The following CHM variants were observed in gnomAD, a reference collection of about 807,000 sequenced individuals.
CHM encodes the protein rab proteins geranylgeranyltransferase component A 1.
In CHM, 10 loss-of-function variants were observed where a neutral mutation model predicts 49.0. The ratio of observed to expected loss-of-function variants is 0.20; its 90% CI spans 0.13 to 0.35. The LOEUF is 0.35. Ranked by LOEUF, CHM falls within the 10% of genes least tolerant of loss-of-function variation. CHM has a pLI of 1.00. For missense variants in CHM, 455 were observed against 478.4 expected (o/e 0.95, Z 0.46); for synonymous variants, 184 against 167.5 (o/e 1.10, Z -0.76).
Position 85,942,232 on chromosome X carries a change from G to A in CHM, c.1166+13921C>T, listed in dbSNP as rs751896616. 1.4e-4 allele frequency among the ~76,000 whole-genome samples: 15 copies of A among 108,603 alleles called. No individual in the cohort carries two copies. In the South Asian group the frequency reaches 4.5e-3, roughly 32 times the overall value. The allele number at this position is 108,603 out of a possible 115,157, so 94.3% of individuals were successfully genotyped here. A position where few individuals can be genotyped will look rare whatever the true frequency, so the allele number is the denominator to read the frequency against. The stretch of plus-strand genomic sequence containing the variant: ...GGTGCCTATATATCATAGTACTAAC[G>A]GCAACATTTTCCAACTTTTCCCCTT... On this transcript the variant is annotated intron_variant, in intron 8 of 14. Coordinates refer to ENST00000357749, the MANE Select transcript of CHM (RefSeq NM_000390.4).
At chrX:85,915,886 G>A (rs1927423878) in intron 8 of CHM, among the ~76,000 whole-genome samples, 1 of 112,319 alleles carries the variant, frequency 8.9e-6, no homozygotes, top group Admixed American at 9.4e-5. Flanking sequence ...GCAATTTATA[G>A]ATTCAATGCT....
intron 4 of CHM, chrX:85,970,063 T>C (rs1930808638): frequency 8.7e-6 from 1 of 115,495 alleles, no homozygotes; most frequent in South Asian, 3.7e-4. Flanking sequence ...ATGCATTGCA[T>C]ATTTCAAATA....
chrX:85,888,667 T>A (rs908011908), intron 12 of CHM, among the ~76,000 whole-genome samples: 9 of 111,197 alleles, frequency 8.1e-5, no homozygotes, highest in African/African-American at 2.6e-4. Context: ...GTAAGAGCCA[T>A]AGAAACTGAC....
chrX:85,981,203 T>TA (rs1931572108), intron 3 of CHM, among the ~76,000 whole-genome samples: 1 of 57,118 alleles, frequency 1.8e-5, no homozygotes, highest in African/African-American at 5.9e-5. Context: ...AACATTTCTA[T>TA]TTCTATATAT....
chrX:85,884,705 A>C (rs1361593072), intron 12 of CHM, among the ~76,000 whole-genome samples: 2 of 111,476 alleles, frequency 1.8e-5, no homozygotes, highest in Non-Finnish European at 3.8e-5. Flanking sequence ...GACATCTATG[A>C]AAAGTCATTA....
chrX:86,010,085 G>GA, intron 2 of CHM, among the ~76,000 whole-genome samples: 1 of 104,617 alleles, frequency 9.6e-6, no homozygotes, highest in African/African-American at 3.5e-5. Flanking sequence ...CTATTATAAG[G>GA]ACAGAAAACC....
chrX:85,936,919 A>G (rs5968719), intron 8 of CHM, among the ~76,000 whole-genome samples: 18,971 of 111,184 alleles, frequency 0.17, 1,552 homozygotes, highest in Non-Finnish European at 0.25. Flanking sequence ...ACTGGGTAAC[A>G]GTATACTGGT....
chrX:85,879,108 T>C, intron 12 of CHM, 45 bp from the exon 13 acceptor site: 1 of 913,607 alleles, frequency 1.1e-6, no homozygotes, highest in Non-Finnish European at 1.6e-6. Context: ...CACAAATCTA[T>C]TTTACTTATA....
At chrX:85,891,240 G>A (rs1377704909) in intron 12 of CHM, among the ~76,000 whole-genome samples, 1 of 112,215 alleles carries the variant, frequency 8.9e-6, no homozygotes, top group Non-Finnish European at 1.9e-5. Context: ...CATTTTTTGA[G>A]GAGAAATTCA....
chrX:85,951,180 CTTCAGCCTAATAA>C (rs1929728603), intron 8 of CHM, among the ~76,000 whole-genome samples: 1 of 111,805 alleles, frequency 8.9e-6, no homozygotes, highest in Non-Finnish European at 1.9e-5. Flanking sequence ...ATTCACGGAA[CTTCAGCCTAATAA>C]TTGCCAAGGG....
intron 2 of CHM, among the ~76,000 whole-genome samples, chrX:86,015,805 GGAA>G (rs1423501176): frequency 8.9e-6 from 1 of 112,332 alleles, no homozygotes. Flanking sequence ...TAGGGTATCT[GGAA>G]GAAGAAATGT....
chrX:85,876,046 A>G (rs1924392200), intron 13 of CHM, among the ~76,000 whole-genome samples: 1 of 111,947 alleles, frequency 8.9e-6, no homozygotes, highest in Non-Finnish European at 1.9e-5. Context: ...AAATCCAATT[A>G]AAAATGTGCA....
chrX:85,977,365 C>T (rs1311797749), intron 4 of CHM, among the ~76,000 whole-genome samples: 3 of 112,395 alleles, frequency 2.7e-5, no homozygotes. Flanking sequence ...AACAAACCTT[C>T]CACCAACAAC....
At position 86,029,724 on chromosome X, in the gene CHM, C is replaced by T. The variant is rs149191732; in HGVS notation, c.50-2167G>A. Reference sequence around the variant, plus strand: ...TGAAAATGAAGATTCAAGGACAATACAGCAACAAAATGAAACAGGCATGGT... The same window carrying T: ...TGAAAATGAAGATTCAAGGACAATATAGCAACAAAATGAAACAGGCATGGT... On this transcript the variant is annotated intron_variant, in intron 1 of 14. Transcript: ENST00000357749. 5.7e-3 allele frequency among the ~76,000 whole-genome samples: 635 copies of T among 111,393 alleles called. 5 individuals carry two copies. Among genetic ancestry groups the T allele is most frequent in the African/African-American group, 0.019 (598 of 30,694 alleles).
At chrX:85,999,958 G>A (rs907779977) in intron 2 of CHM, among the ~76,000 whole-genome samples, 2 of 111,243 alleles carry the variant, frequency 1.8e-5, no homozygotes, top group African/African-American at 6.5e-5. Flanking sequence ...TTTATAGCGG[G>A]GCACTTCAGA....
chrX:85,862,327 A>T lies in CHM; in HGVS notation c.*2303T>A, dbSNP rs1923397990. On this transcript the variant is annotated 3_prime_UTR_variant, in exon 15 of 15. Coordinates refer to ENST00000357749, the MANE Select transcript of CHM (RefSeq NM_000390.4). ...TGCATGCTGCATTCAAGCGGCTTTA[A>T]CTCTAAGACCGTAACAGTACAATAT... 1 of 112,250 alleles carries T rather than the reference A, an allele frequency of 8.9e-6. No homozygotes were observed. The highest frequency in any genetic ancestry group is 3.2e-5 in the African/African-American group (1 of 30,838). 9.3% of individuals were successfully genotyped at this position (112,250 alleles called of 1,213,427 possible).
At chrX:85,989,984 G>A (rs1481480459) in intron 2 of CHM, among the ~76,000 whole-genome samples, 1 of 111,961 alleles carries the variant, frequency 8.9e-6, no homozygotes, top group East Asian at 2.8e-4. Context: ...AATCCCAGTA[G>A]TGGGTATATA....
chrX:85,935,900 T>G (rs1246551045), intron 8 of CHM, among the ~76,000 whole-genome samples: 2 of 112,369 alleles, frequency 1.8e-5, no homozygotes, highest in African/African-American at 6.5e-5. Flanking sequence ...AACAGAGTTC[T>G]TTTTACAAAT....
intron 2 of CHM, among the ~76,000 whole-genome samples, chrX:85,993,970 T>C (rs2147734624): frequency 8.9e-6 from 1 of 112,189 alleles, no homozygotes; most frequent in East Asian, 2.8e-4. Flanking sequence ...TGCTGTCTTA[T>C]AATCAGATTA....
Sources: gnomAD v4.1 joint callset for allele counts (sites outside exome capture counted in the v4.1 genomes callset) on GRCh38, gnomAD v4.1.1 for gene constraint, MANE v1.5 for transcripts, NCBI Gene and HGNC (gene_info 2026-07-23, HGNC 2026-07-21) for gene names.